Variants in ANK3 observed in about 807,000 individuals in gnomAD.
ANK3 encodes ankyrin 3, also known as ankyrin-3.
In ANK3, 57 loss-of-function variants were observed where a neutral mutation model predicts 370.9. The ratio of observed to expected loss-of-function variants is 0.15; its 90% CI spans 0.12 to 0.19. The LOEUF is 0.19. ANK3 is among the 10% of genes least tolerant of loss of function. The pLI, the probability that ANK3 is intolerant of heterozygous loss-of-function variation, is 1.00. For synonymous variants in ANK3, 1,929 were observed against 1,946.3 expected (o/e 0.99, Z 0.23); for missense variants, 4,439 against 5,302.1 (o/e 0.84, Z 5.06).
At chr10:60,059,975 G>A (rs1259205759) in intron 40 of ANK3, 2 of 1,602,826 alleles carry the variant, frequency 1.2e-6, no homozygotes, top group African/African-American at 1.3e-5. Context: ...ACCCTGTGGG[G>A]GTTTCCAGTT....
intron 18 of ANK3, 97 bp downstream of exon 18, chr10:60,181,232 T>A: frequency 9.4e-7 from 1 of 1,066,974 alleles, no homozygotes; most frequent in Non-Finnish European, 1.4e-6. Context: ...AAGAGATGAT[T>A]AAAGGGTTTG....
intron 1 of ANK3, among the ~76,000 whole-genome samples, chr10:60,617,080 T>C (rs939499424): frequency 3.3e-5 from 5 of 152,214 alleles, no homozygotes; most frequent in Admixed American, 2.6e-4. Context: ...ATCATAATTA[T>C]ATAAATATTT....
chr10:60,531,736 A>G (rs2076611370), intron 2 of ANK3, among the ~76,000 whole-genome samples: 1 of 152,116 alleles, frequency 6.6e-6, no homozygotes, highest in South Asian at 2.1e-4. Context: ...CAAGCCTGAC[A>G]TTTATTTGGG....
intron 2 of ANK3, among the ~76,000 whole-genome samples, chr10:60,425,312 C>G (rs1398583044): frequency 6.6e-6 from 1 of 151,936 alleles, no homozygotes; most frequent in African/African-American, 2.4e-5. Flanking sequence ...CAGAGGACAA[C>G]AACAAAAGAA....
At chr10:60,113,245 A>G (rs1330059756) in intron 26 of ANK3, among the ~76,000 whole-genome samples, 1 of 152,074 alleles carries the variant, frequency 6.6e-6, no homozygotes, top group Non-Finnish European at 1.5e-5. Context: ...TTAAAATTAC[A>G]ATTTAATACA....
intron 1 of ANK3, among the ~76,000 whole-genome samples, chr10:60,301,632 G>A (rs928368266): frequency 2.6e-5 from 4 of 151,938 alleles, no homozygotes; most frequent in African/African-American, 9.7e-5. Context: ...GGCCAGGCTG[G>A]TCTCAAACTT....
chr10:60,448,161 G>T (rs2064500249), intron 2 of ANK3, among the ~76,000 whole-genome samples: 1 of 152,124 alleles, frequency 6.6e-6, no homozygotes, highest in African/African-American at 2.4e-5. Flanking sequence ...AATCAGAGAT[G>T]GCCATAATGA....
At chr10:60,261,154 C>T (rs1010486360) in intron 7 of ANK3, among the ~76,000 whole-genome samples, 1 of 152,104 alleles carries the variant, frequency 6.6e-6, no homozygotes, top group Non-Finnish European at 1.5e-5. Context: ...AAAATTTGAA[C>T]CTAAGGAGTC....
chr10:60,578,506 T>A (rs944736874), intron 2 of ANK3, among the ~76,000 whole-genome samples: 3 of 152,142 alleles, frequency 2.0e-5, no homozygotes, highest in African/African-American at 7.2e-5. Flanking sequence ...TTTAAAAGAA[T>A]GATGATGATA....
rs2095797981 is a variant in ANK3, at chr10:60,171,663, G to T, written c.2478+645C>A. 7.2e-5 allele frequency among the ~76,000 whole-genome samples: 11 copies of T among 152,182 alleles called. No individual in the cohort carries two copies. The South Asian group carries it at 2.3e-3, about 31-fold the overall frequency. ...ATGTTAATGCTGTTCAAAGGTACCA[G>T]ATGGGGTTGGAAAGAAATGACTTAT... On this transcript the variant is annotated intron_variant, in intron 21 of 43. Transcript: ENST00000280772.
intron 7 of ANK3, among the ~76,000 whole-genome samples, chr10:60,261,256 T>G (rs1366090259): frequency 6.6e-6 from 1 of 152,140 alleles, no homozygotes; most frequent in Non-Finnish European, 1.5e-5. Flanking sequence ...TGAACACCAG[T>G]TTTTAAATTG....
rs748336491 is a variant in ANK3, at chr10:60,075,474, A to T, written c.5407T>A (p.Ser1803Thr). The change falls in exon 37 of 44, where the codon TCC (serine) becomes ACC (threonine). Residue 1803 changes from serine to threonine, a missense_variant. Transcript: ENST00000280772. Reference sequence around the variant, plus strand: ...GTTGCAGATATTGACGACCCAAGGGATGTATAGAGTGCACTTGCGGAAGGA... The same window carrying T: ...GTTGCAGATATTGACGACCCAAGGGTTGTATAGAGTGCACTTGCGGAAGGA... ...RTPSASALYT[S>T]LGSSISATTS... 6.2e-7 allele frequency: 1 copy of T among 1,612,774 alleles called. No homozygotes were observed. The highest frequency in any genetic ancestry group is 8.5e-7 in the Non-Finnish European group (1 of 1,179,978).
At chr10:60,597,750 T>C (rs891626365) in intron 2 of ANK3, among the ~76,000 whole-genome samples, 1 of 152,196 alleles carries the variant, frequency 6.6e-6, no homozygotes, top group Non-Finnish European at 1.5e-5. Context: ...ATGGCAACTT[T>C]TGGTTTTGTT....
At chr10:60,598,601 T>C (rs1047024180) in intron 2 of ANK3, among the ~76,000 whole-genome samples, 5 of 152,234 alleles carry the variant, frequency 3.3e-5, no homozygotes, top group Admixed American at 2.6e-4. Context: ...ATTGTGACTA[T>C]ATTTAGTTAT....
intron 23 of ANK3, chr10:60,140,882 G>A: frequency 1.0e-6 from 1 of 986,462 alleles, no homozygotes; most frequent in Non-Finnish European, 1.2e-6. Flanking sequence ...ATTTAATTAG[G>A]AGGTGATTCT....
intron 1 of ANK3, among the ~76,000 whole-genome samples, chr10:60,643,510 ATCTATCTAT>A (rs2078665342): frequency 1.4e-5 from 1 of 72,214 alleles, no homozygotes; most frequent in African/African-American, 6.2e-5. Context: ...ATATCTATCT[ATCTATCTAT>A]CTATCTATCT....
At chr10:60,030,957 T>C (rs919702758) in intron 43 of ANK3, among the ~76,000 whole-genome samples, 1 of 152,156 alleles carries the variant, frequency 6.6e-6, no homozygotes, top group African/African-American at 2.4e-5. Flanking sequence ...CTTAGTCTTA[T>C]CTGTGAAATG....
chr10:60,570,249 A>G (rs2077559401), intron 2 of ANK3, among the ~76,000 whole-genome samples: 1 of 152,222 alleles, frequency 6.6e-6, no homozygotes, highest in Non-Finnish European at 1.5e-5. Context: ...GGAGGAAAAT[A>G]TCAGGAGGTT....
chr10:60,426,823 T>A (rs1477246564), intron 2 of ANK3, among the ~76,000 whole-genome samples: 1 of 152,130 alleles, frequency 6.6e-6, no homozygotes, highest in Non-Finnish European at 1.5e-5. Context: ...GAAGCCAATA[T>A]GTAACGAACA....
Sources: allele counts gnomAD v4.1 joint callset (sites outside exome capture counted in the v4.1 genomes callset), GRCh38; gene constraint gnomAD v4.1.1; transcripts MANE v1.5; gene names NCBI Gene and HGNC (gene_info 2026-07-23, HGNC 2026-07-21).